RALGAPA1: variants seen among roughly 807,000 people sequenced by gnomAD.
RALGAPA1 encodes the protein Ral GTPase activating protein catalytic subunit alpha 1.
RALGAPA1 carries 52 observed loss-of-function variants against 269.6 expected under a neutral mutation model. The ratio of observed to expected loss-of-function variants is 0.19; its 90% CI spans 0.15 to 0.24. RALGAPA1 has a LOEUF of 0.24. RALGAPA1 is among the 10% of genes least tolerant of loss of function. The pLI is 1.00. For synonymous variants in RALGAPA1, 817 were observed against 1,008.3 expected (o/e 0.81, Z 3.60); for missense variants, 1,917 against 3,013.9 (o/e 0.64, Z 8.52).
chr14:35,664,731 A>C lies in RALGAPA1; in HGVS notation c.5239T>G (p.Leu1747Val), dbSNP rs370698642. The change falls in exon 27 of 42, where the codon TTG (leucine) becomes GTG (valine). Residue 1747 changes from leucine to valine, a missense_variant. Coordinates refer to ENST00000680220, the MANE Select transcript of RALGAPA1 (RefSeq NM_001346249.2). ...CAATATAAGTTGGGAAAGCAAACCAAAGATCCCAGAAGAACTTGTGCTTCT... is the reference window on the plus strand; with the variant it reads ...CAATATAAGTTGGGAAAGCAAACCACAGATCCCAGAAGAACTTGTGCTTCT... The part of the protein sequence containing the change: ...RVEAQVLLGS[L>V]VCFPNLYCEL... 4 of 1,612,448 alleles carry C rather than the reference A, an allele frequency of 2.5e-6. No homozygotes were observed. The highest frequency in any genetic ancestry group is 2.5e-6 in the Non-Finnish European group (3 of 1,179,466).
At chr14:35,746,393 A>G (rs915443518) in intron 10 of RALGAPA1, among the ~76,000 whole-genome samples, 2 of 152,316 alleles carry the variant, frequency 1.3e-5, no homozygotes, top group African/African-American at 2.4e-5. Context: ...AGATTTTATC[A>G]TAAGTGTTCT....
intron 1 of RALGAPA1, among the ~76,000 whole-genome samples, chr14:35,785,726 C>G (rs1595549887): frequency 6.6e-6 from 1 of 152,324 alleles, no homozygotes; most frequent in Non-Finnish European, 1.5e-5. Context: ...GACAAGTCCA[C>G]TAATCACATG....
chr14:35,700,900 C>A lies in RALGAPA1; in HGVS notation c.2267-598G>T, dbSNP rs184124970. 2.6e-5 allele frequency among the ~76,000 whole-genome samples: 4 copies of A among 152,190 alleles called. 1 individual carries two copies. Among genetic ancestry groups the A allele is most frequent in the Admixed American group, 1.3e-4 (2 of 15,302 alleles). On this transcript the variant is annotated intron_variant, in intron 16 of 41. Transcript: ENST00000680220. ...AAGAGGATGCTAATCAAATCAGTAT[C>A]TTTTATAATAAAGTATAGGAGTATA...
chr14:35,775,819 T>A, intron 1 of RALGAPA1, 74 bp from the exon 2 acceptor site: 1 of 1,361,284 alleles, frequency 7.3e-7, no homozygotes, highest in Non-Finnish European at 9.6e-7. Flanking sequence ...CAGCGACAAG[T>A]TTCCTTCAAA....
intron 33 of RALGAPA1, among the ~76,000 whole-genome samples, chr14:35,630,692 C>T (rs542541254): frequency 2.6e-5 from 4 of 152,180 alleles, no homozygotes; most frequent in South Asian, 4.2e-4. Flanking sequence ...GTCAGTAGTT[C>T]GAGACCAGCC....
At chr14:35,702,695 T>C (rs2067453379) in intron 16 of RALGAPA1, among the ~76,000 whole-genome samples, 1 of 145,820 alleles carries the variant, frequency 6.9e-6, no homozygotes, top group South Asian at 2.2e-4. Flanking sequence ...ACATCATCTA[T>C]AGTTGTAATC....
intron 1 of RALGAPA1, among the ~76,000 whole-genome samples, chr14:35,799,466 G>A (rs1381732201): frequency 6.6e-6 from 1 of 151,984 alleles, no homozygotes; most frequent in Non-Finnish European, 1.5e-5. Flanking sequence ...GGAAGCTGAG[G>A]CAGGAGAATC....
At chr14:35,576,543 G>A (rs1468087148) in intron 37 of RALGAPA1, among the ~76,000 whole-genome samples, 1 of 152,074 alleles carries the variant, frequency 6.6e-6, no homozygotes, top group Non-Finnish European at 1.5e-5. Context: ...AATGTCAAAT[G>A]GGACAGGCTT....
At chr14:35,760,183 A>T (rs1483141641) in intron 6 of RALGAPA1, among the ~76,000 whole-genome samples, 1 of 152,184 alleles carries the variant, frequency 6.6e-6, no homozygotes, top group Admixed American at 6.5e-5. Context: ...ATGTTAAATG[A>T]TCTGTATTAA....
intron 1 of RALGAPA1, among the ~76,000 whole-genome samples, chr14:35,803,689 T>C (rs529617542): frequency 1.6e-4 from 24 of 151,772 alleles, no homozygotes; most frequent in Admixed American, 3.3e-4. Flanking sequence ...TAGGGTGCAG[T>C]TGCACAATCT....
At chr14:35,687,967 T>C (rs2066107102) in intron 18 of RALGAPA1, among the ~76,000 whole-genome samples, 1 of 152,232 alleles carries the variant, frequency 6.6e-6, no homozygotes, top group South Asian at 2.1e-4. Flanking sequence ...CTGTAGGACC[T>C]TGATTTCTAT....
intron 40 of RALGAPA1, 101 bp downstream of exon 40, chr14:35,549,009 A>G (rs2054715943): frequency 2.3e-6 from 3 of 1,324,462 alleles, no homozygotes; most frequent in East Asian, 4.8e-5. Context: ...AAAAATTCAT[A>G]TTTCAATGAT....
At chr14:35,759,504 T>C (rs564337500) in intron 6 of RALGAPA1, among the ~76,000 whole-genome samples, 17 of 151,666 alleles carry the variant, frequency 1.1e-4, no homozygotes, top group Non-Finnish European at 2.2e-4. Flanking sequence ...GCACTGTATA[T>C]GACAATGTTT....
chr14:35,548,576 G>A, intron 40 of RALGAPA1, 38 bp from the exon 41 acceptor site: 1 of 1,418,436 alleles, frequency 7.1e-7, no homozygotes, highest in Admixed American at 1.9e-5. Context: ...CATAAGGAGA[G>A]CAAGATATTA....
In RALGAPA1 at chr14:35,688,544, T is replaced by TG; in HGVS notation, c.3866dup (p.Gln1290ThrfsTer31). ...CTGGTGGCATTCTGTTCTGCCTCTG[T>TG]GGGGAAACATTTGCCTTCGGCTTCG... On this transcript the variant is annotated frameshift_variant, in exon 18 of 42. Transcript: ENST00000680220. LOFTEE classifies it high-confidence loss of function. The TG allele has an allele frequency of 6.5e-7, 1 of 1,536,098 alleles. No individual in the cohort carries two copies. The highest frequency in any genetic ancestry group is 8.7e-7 in the Non-Finnish European group (1 of 1,146,870).
chr14:35,760,820 G>C lies in RALGAPA1; in HGVS notation c.547+9C>G. 1.2e-6 allele frequency: 2 copies of C among 1,605,412 alleles called. No homozygotes were observed. Among genetic ancestry groups the C allele is most frequent in the Non-Finnish European group, 1.7e-6 (2 of 1,174,312 alleles). Reference sequence around the variant, plus strand: ...AACCTACTGACGGATAACATCCCATGAATCTTACTTTCTTGAAGGTTGAGT... The same window carrying C: ...AACCTACTGACGGATAACATCCCATCAATCTTACTTTCTTGAAGGTTGAGT... On this transcript the variant is annotated intron_variant, in intron 6 of 41. Coordinates refer to ENST00000680220, the MANE Select transcript of RALGAPA1 (RefSeq NM_001346249.2).
chr14:35,672,812 T>C (rs956215632), intron 25 of RALGAPA1, 55 bp downstream of exon 25: 29 of 1,398,104 alleles, frequency 2.1e-5, no homozygotes, highest in Non-Finnish European at 2.7e-5. Context: ...GAATCAAGAA[T>C]CAAAGATAAT....
In RALGAPA1 at chr14:35,723,551, T is replaced by C. The variant is rs187369355; in HGVS notation, c.1867-287A>G. On this transcript the variant is annotated intron_variant, in intron 14 of 41. Coordinates refer to ENST00000680220, the MANE Select transcript of RALGAPA1 (RefSeq NM_001346249.2). ...CATTATATTAATGTTAAATAAATGCTATTTAAAAAATAGTCTCCATACTTT... is the reference window on the plus strand; with the variant it reads ...CATTATATTAATGTTAAATAAATGCCATTTAAAAAATAGTCTCCATACTTT... 3.1e-5 allele frequency: 6 copies of C among 194,140 alleles called. No homozygotes were observed. The East Asian group carries it at 7.0e-4, about 23-fold the overall frequency. 12.0% of individuals were successfully genotyped at this position (194,140 alleles called of 1,614,324 possible). A position where few individuals can be genotyped will look rare whatever the true frequency, so the allele number is the denominator to read the frequency against.
At chr14:35,624,967 G>C (rs994637560) in intron 35 of RALGAPA1, among the ~76,000 whole-genome samples, 1 of 152,018 alleles carries the variant, frequency 6.6e-6, no homozygotes, top group Non-Finnish European at 1.5e-5. Flanking sequence ...GAGGCGGGCA[G>C]ATCACAAGGT....
Sources: allele counts gnomAD v4.1 joint callset (sites outside exome capture counted in the v4.1 genomes callset), GRCh38; gene constraint gnomAD v4.1.1; transcripts MANE v1.5; gene names NCBI Gene and HGNC (gene_info 2026-07-23, HGNC 2026-07-21).